Variants in ADAMTS16 observed in about 807,000 individuals in gnomAD.
ADAMTS16 encodes A disintegrin and metalloproteinase with thrombospondin motifs 16.
ADAMTS16 carries 94 observed loss-of-function variants against 145.8 expected under a neutral mutation model. The ratio of observed to expected loss-of-function variants is 0.64; its 90% confidence interval spans 0.55 to 0.77. ADAMTS16 has a LOEUF of 0.77. Ranked by LOEUF, ADAMTS16 falls within the 30% of genes least tolerant of loss-of-function variation. The pLI is 0.00. For missense variants in ADAMTS16, 1,585 were observed against 1,591.5 expected (o/e 1.00, Z 0.07); for synonymous variants, 659 against 604.3 (o/e 1.09, Z -1.33).
intron 18 of ADAMTS16, among the ~76,000 whole-genome samples, chr5:5,281,223 G>A (rs970132653): frequency 6.6e-6 from 1 of 152,104 alleles, no homozygotes; most frequent in Non-Finnish European, 1.5e-5. Flanking sequence ...TTCTTACAAG[G>A]GGTAGCCCTA....
intron 18 of ADAMTS16, among the ~76,000 whole-genome samples, chr5:5,274,366 T>C (rs1008691107): frequency 2.0e-5 from 3 of 152,140 alleles, no homozygotes; most frequent in African/African-American, 4.8e-5. Flanking sequence ...CTGTTCATCC[T>C]CCCTCCCGAC....
chr5:5,300,329 GC>G (rs971981516), intron 18 of ADAMTS16, among the ~76,000 whole-genome samples: 9 of 152,068 alleles, frequency 5.9e-5, no homozygotes, highest in Non-Finnish European at 1.2e-4. Flanking sequence ...CAGACGGGAA[GC>G]CAAGAATCAA....
At chr5:5,223,724 AATT>A (rs1472752538) in intron 11 of ADAMTS16, 1 of 152,176 alleles carries the variant, frequency 6.6e-6, no homozygotes, top group African/African-American at 2.4e-5. Flanking sequence ...AACTTTAAAA[AATT>A]ATAATACTCC....
chr5:5,184,968 G>A (rs1348404297), intron 4 of ADAMTS16, among the ~76,000 whole-genome samples: 1 of 152,134 alleles, frequency 6.6e-6, no homozygotes, highest in Non-Finnish European at 1.5e-5. Flanking sequence ...GAAGGAAGGG[G>A]TGTGAGCCAG....
chr5:5,209,372 G>C (rs1736214793), intron 10 of ADAMTS16, 126 bp downstream of exon 10: 1 of 1,158,770 alleles, frequency 8.6e-7, no homozygotes, highest in Non-Finnish European at 1.2e-6. Context: ...GTATGTTAAG[G>C]CTGGTCCTGT....
At chr5:5,231,708 C>T (rs12514916) in intron 11 of ADAMTS16, among the ~76,000 whole-genome samples, 20,406 of 152,152 alleles carry the variant, frequency 0.13, 1,364 homozygotes, top group East Asian at 0.17. Flanking sequence ...AGTGAATTTG[C>T]CATGCGGAAT....
At chr5:5,235,293 C>T in intron 13 of ADAMTS16, 107 bp downstream of exon 13, 1 of 1,217,678 alleles carries the variant, frequency 8.2e-7, no homozygotes, top group Non-Finnish European at 1.1e-6. Flanking sequence ...AGACGTCGCT[C>T]TGGGAGGTGA....
chr5:5,247,581 C>G (rs1052842619), intron 17 of ADAMTS16, among the ~76,000 whole-genome samples: 2 of 151,564 alleles, frequency 1.3e-5, no homozygotes, highest in East Asian at 1.9e-4. Context: ...TTCCAGCAAG[C>G]CTCCACTCAT....
chr5:5,154,348 T>G (rs970099962), intron 3 of ADAMTS16, among the ~76,000 whole-genome samples: 8 of 152,186 alleles, frequency 5.3e-5, no homozygotes, highest in African/African-American at 1.9e-4. Context: ...GAAGAACTAA[T>G]TGAAAGTGTA....
intron 3 of ADAMTS16, among the ~76,000 whole-genome samples, chr5:5,175,223 T>C (rs72724105): frequency 0.14 from 21,582 of 152,152 alleles, 1,931 homozygotes; most frequent in Middle Eastern, 0.29. Flanking sequence ...CAGCAGGAGA[T>C]GAATCCTGAC....
At chr5:5,308,949 CA>C (rs56068510) in intron 21 of ADAMTS16, among the ~76,000 whole-genome samples, 29,934 of 87,060 alleles carry the variant, frequency 0.34, 2,465 homozygotes, top group Middle Eastern at 0.4. Flanking sequence ...GACTCCGTCT[CA>C]AAAAAAAAAA....
chr5:5,240,055 C>T (rs748786468), intron 16 of ADAMTS16, 130 bp downstream of exon 16: 15 of 1,399,818 alleles, frequency 1.1e-5, no homozygotes, highest in South Asian at 7.0e-5. Context: ...CATCCATAGC[C>T]GGAATGAGGC....
At chr5:5,193,980 T>C (rs1192830884) in intron 8 of ADAMTS16, among the ~76,000 whole-genome samples, 1 of 152,038 alleles carries the variant, frequency 6.6e-6, no homozygotes, top group Non-Finnish European at 1.5e-5. Flanking sequence ...TGTGCGTCTG[T>C]AGTCCCAGCT....
chr5:5,276,936 G>A (rs149724693), intron 18 of ADAMTS16, among the ~76,000 whole-genome samples: 10 of 152,148 alleles, frequency 6.6e-5, no homozygotes, highest in Non-Finnish European at 8.8e-5. Flanking sequence ...TTAGTGTCAC[G>A]ATTTCTTTCA....
intron 3 of ADAMTS16, among the ~76,000 whole-genome samples, chr5:5,180,798 A>G (rs1466403171): frequency 6.6e-6 from 1 of 152,204 alleles, no homozygotes; most frequent in Admixed American, 6.5e-5. Context: ...TGACCTTGAA[A>G]ACATTACTGA....
chr5:5,299,368 C>A (rs1739679353), intron 18 of ADAMTS16, among the ~76,000 whole-genome samples: 1 of 149,768 alleles, frequency 6.7e-6, no homozygotes, highest in Non-Finnish European at 1.5e-5. Flanking sequence ...CGGGCCCAGA[C>A]CAGGGCTGGC....
At chr5:5,289,711 G>T (rs538639797) in intron 18 of ADAMTS16, among the ~76,000 whole-genome samples, 2 of 152,346 alleles carry the variant, frequency 1.3e-5, no homozygotes, top group East Asian at 3.9e-4. Flanking sequence ...TGTAAATAAG[G>T]TTTCATCAGA....
At chr5:5,286,447 G>T (rs940593689) in intron 18 of ADAMTS16, among the ~76,000 whole-genome samples, 9 of 152,170 alleles carry the variant, frequency 5.9e-5, no homozygotes, top group Admixed American at 2.6e-4. Flanking sequence ...GTTTTGTGAT[G>T]TAATGGCTAA....
intron 10 of ADAMTS16, among the ~76,000 whole-genome samples, chr5:5,219,378 T>C (rs1488927947): frequency 6.6e-6 from 1 of 152,172 alleles, no homozygotes; most frequent in Non-Finnish European, 1.5e-5. Context: ...CTCCTCTTTA[T>C]TCCTCCCATC....
Sources: gnomAD v4.1 joint callset for allele counts (sites outside exome capture counted in the v4.1 genomes callset) on GRCh38, gnomAD v4.1.1 for gene constraint, MANE v1.5 for transcripts, NCBI Gene and HGNC (gene_info 2026-07-23, HGNC 2026-07-21) for gene names.